The following SPATA6 variants were observed in gnomAD, a reference collection of about 807,000 sequenced individuals.
SPATA6 encodes spermatogenesis associated 6.
Under a neutral mutation model 65.3 loss-of-function variants are expected in SPATA6, and 56 were observed. The ratio of observed to expected loss-of-function variants is 0.86; its 90% CI spans 0.69 to 1.07. The LOEUF is 1.07. Ranked by LOEUF, SPATA6 falls within the 50% of genes least tolerant of loss-of-function variation. The pLI, the probability that SPATA6 is intolerant of heterozygous loss-of-function variation, is 0.00. For missense variants in SPATA6, 590 were observed against 594.8 expected, an observed-to-expected ratio of 0.99 and a Z score of 0.08; for synonymous variants, 199 against 213.2, an observed-to-expected ratio of 0.93 and a Z score of 0.58.
intron 11 of SPATA6, among the ~76,000 whole-genome samples, chr1:48,350,271 A>C (rs1646480200): frequency 6.7e-6 from 1 of 149,048 alleles, no homozygotes; most frequent in Admixed American, 6.7e-5. Context: ...TTTTTTTGTT[A>C]AGTTTGGATA....
the SPATA6 span, among the ~76,000 whole-genome samples, chr1:48,278,797 G>A: frequency 2.0e-5 from 3 of 152,138 alleles, no homozygotes; most frequent in Admixed American, 6.6e-5. Context: ...ATCTAGCAAG[G>A]GAGGCCAACA....
chr1:48,316,582 G>A (rs865999138), intron 11 of SPATA6, among the ~76,000 whole-genome samples: 1 of 152,190 alleles, frequency 6.6e-6, no homozygotes, highest in Middle Eastern at 3.4e-3. Context: ...AAAAACCCTA[G>A]AAGAAAACCT....
rs753546103 is a variant in SPATA6, at chr1:48,355,777, CAA to C, written c.1095-10_1095-9del. 1.2e-6 allele frequency: 2 copies of C among 1,602,328 alleles called. No homozygotes were observed. The highest frequency in any genetic ancestry group is 2.2e-5 in the South Asian group (2 of 89,210). ...CACCAATCAGAATGAAATCTGTAGG[CAA>C]AAAATAAGTTTTATTTTTGTTACTA... is the stretch of plus-strand genomic sequence containing the variant. On this transcript the variant is annotated splice_polypyrimidine_tract_variant and intron_variant, in intron 10 of 12. Transcript: ENST00000371847.
At chr1:48,445,965 C>T (rs1656011909) in intron 3 of SPATA6, among the ~76,000 whole-genome samples, 1 of 151,912 alleles carries the variant, frequency 6.6e-6, no homozygotes, top group South Asian at 2.1e-4. Context: ...AAGACCGAGC[C>T]TCAAAATAAA....
At chr1:48,315,519 A>T (rs903230270) in intron 11 of SPATA6, among the ~76,000 whole-genome samples, 25 of 152,184 alleles carry the variant, frequency 1.6e-4, no homozygotes, top group African/African-American at 6.0e-4. Flanking sequence ...TCAATAAATT[A>T]GGTATTGATG....
At chr1:48,406,429 T>C (rs1651711846) in intron 5 of SPATA6, among the ~76,000 whole-genome samples, 2 of 152,194 alleles carry the variant, frequency 1.3e-5, no homozygotes, top group African/African-American at 4.8e-5. Flanking sequence ...TTGTGTTTGA[T>C]CAAATAACTT....
At chr1:48,390,080 G>T (rs987567414) in intron 8 of SPATA6, among the ~76,000 whole-genome samples, 6 of 152,102 alleles carry the variant, frequency 3.9e-5, no homozygotes, top group Admixed American at 3.9e-4. Context: ...TCAGTACTGG[G>T]TATCCATCCA....
chr1:48,288,977 T>G, the SPATA6 span, among the ~76,000 whole-genome samples: 12 of 152,378 alleles, frequency 7.9e-5, no homozygotes, highest in African/African-American at 2.9e-4. Flanking sequence ...TGTCCCTGTC[T>G]GACAGCTTTG....
chr1:48,263,215 T>A, the SPATA6 span: 1 of 152,198 alleles, frequency 6.6e-6, no homozygotes, highest in African/African-American at 2.4e-5. Flanking sequence ...CTAAAAAGCA[T>A]GGGTTTAAGC....
At chr1:48,382,325 G>A (rs1329543365) in intron 9 of SPATA6, among the ~76,000 whole-genome samples, 59 of 57,832 alleles carry the variant, frequency 1.0e-3, no homozygotes, top group South Asian at 2.8e-3. Context: ...GCGGCTGGCC[G>A]GGCGGGGGGC....
At chr1:48,434,890 C>A (rs1015553076) in intron 3 of SPATA6, among the ~76,000 whole-genome samples, 3 of 151,916 alleles carry the variant, frequency 2.0e-5, no homozygotes, top group Non-Finnish European at 4.4e-5. Context: ...AAACCATTTC[C>A]TTGAAGAGGA....
intron 11 of SPATA6, among the ~76,000 whole-genome samples, chr1:48,333,021 T>A (rs1303286306): frequency 2.0e-5 from 3 of 152,170 alleles, no homozygotes; most frequent in African/African-American, 7.2e-5. Context: ...ATGTTAAGTG[T>A]CAACTTGACT....
intron 9 of SPATA6, among the ~76,000 whole-genome samples, chr1:48,363,288 T>C (rs547812415): frequency 6.6e-6 from 1 of 152,278 alleles, no homozygotes; most frequent in East Asian, 1.9e-4. Context: ...CGTTAGATCA[T>C]TTCCTTTCAA....
chr1:48,311,297 G>C (rs1645200875), intron 11 of SPATA6, among the ~76,000 whole-genome samples: 1 of 152,076 alleles, frequency 6.6e-6, no homozygotes. Flanking sequence ...TAAAACATTT[G>C]ACAATGTTTT....
At chr1:48,379,825 G>A (rs1195206283) in intron 9 of SPATA6, among the ~76,000 whole-genome samples, 2 of 152,082 alleles carry the variant, frequency 1.3e-5, no homozygotes, top group African/African-American at 2.4e-5. Context: ...TTACATGCAT[G>A]ATAGCCTTTA....
chr1:48,312,429 G>A (rs1244824623), intron 11 of SPATA6, among the ~76,000 whole-genome samples: 2 of 152,100 alleles, frequency 1.3e-5, no homozygotes, highest in East Asian at 1.9e-4. Flanking sequence ...TGATACCCAG[G>A]CAAATAGGGT....
chr1:48,436,888 G>A, intron 3 of SPATA6: 3 of 1,613,480 alleles, frequency 1.9e-6, no homozygotes, highest in East Asian at 2.2e-5. Context: ...CCGGTCAGGT[G>A]TAGACTCTGG....
chr1:48,369,369 GC>G (rs921687948), intron 9 of SPATA6, among the ~76,000 whole-genome samples: 1 of 152,200 alleles, frequency 6.6e-6, no homozygotes, highest in Non-Finnish European at 1.5e-5. Context: ...TCTGTGCCCT[GC>G]CCCCAGAGGT....
At chr1:48,300,888 A>G (rs1039458308) in intron 12 of SPATA6, among the ~76,000 whole-genome samples, 28 of 152,118 alleles carry the variant, frequency 1.8e-4, no homozygotes, top group Admixed American at 1.7e-3. Flanking sequence ...CCCTCCATAA[A>G]CTGGGCATGG....
Sources: allele counts gnomAD v4.1 joint callset (sites outside exome capture counted in the v4.1 genomes callset), GRCh38; gene constraint gnomAD v4.1.1; transcripts MANE v1.5; gene names NCBI Gene and HGNC (gene_info 2026-07-23, HGNC 2026-07-21).